The following TVP23C variants were observed in gnomAD, a reference collection of about 807,000 sequenced individuals.
TVP23C encodes Golgi apparatus membrane protein TVP23 homolog C.
TVP23C carries 19 observed loss-of-function variants against 28.7 expected under a neutral mutation model. The ratio of observed to expected loss-of-function variants is 0.66; its 90% confidence interval spans 0.46 to 0.97. TVP23C has a LOEUF of 0.97. Among genes scored for constraint, TVP23C ranks in the 50% least tolerant of loss-of-function variants. The pLI is 0.00. For synonymous variants in TVP23C, 68 were observed against 81.7 expected (o/e 0.83, Z 0.90); for missense variants, 186 against 241.3 (o/e 0.77, Z 1.52).
At chr17:15,504,425 T>C (rs968517020) in intron 5 of TVP23C, among the ~76,000 whole-genome samples, 2 of 152,170 alleles carry the variant, frequency 1.3e-5, no homozygotes, top group African/African-American at 2.4e-5. Context: ...TACTTGGATA[T>C]GAACATAAAA....
intron 5 of TVP23C, among the ~76,000 whole-genome samples, chr17:15,512,255 A>G (rs569639058): frequency 9.4e-4 from 143 of 152,302 alleles, no homozygotes; most frequent in Non-Finnish European, 1.5e-3. Flanking sequence ...AGAGACTGGG[A>G]AAGACACTGT....
At chr17:15,547,727 G>A (rs995602785) in intron 3 of TVP23C, among the ~76,000 whole-genome samples, 2 of 152,154 alleles carry the variant, frequency 1.3e-5, no homozygotes, top group Non-Finnish European at 2.9e-5. Flanking sequence ...GTGAAGAGAG[G>A]CAGACAACCA....
At chr17:15,561,630 G>GAATGAATGAATA (rs1350335513) in intron 1 of TVP23C, among the ~76,000 whole-genome samples, 147 of 131,674 alleles carry the variant, frequency 1.1e-3, no homozygotes, top group African/African-American at 4.0e-3. Flanking sequence ...ATGAATGAAT[G>GAATGAATGAATA]AATAAATAAA....
chr17:15,511,037 G>C (rs895049300), intron 5 of TVP23C, among the ~76,000 whole-genome samples: 14 of 140,852 alleles, frequency 9.9e-5, no homozygotes, highest in African/African-American at 3.1e-4. Context: ...CTGGGTGACA[G>C]GGCCAGACTT....
chr17:15,538,623 C>T lies in TVP23C; in HGVS notation c.*1789G>A, dbSNP rs139078674. On this transcript the variant is annotated 3_prime_UTR_variant, in exon 6 of 6. Transcript: ENST00000518321. ...ATAAATAAATAAAAAAGTAGACATG[C>T]GCTAATGAAGTAAATCCATGGATAC... The T allele has an allele frequency of 7.0e-4, 688 of 985,082 alleles. 4 individuals carry two copies. In the African/African-American group the frequency reaches 0.011, roughly 16 times the overall value. The allele number at this position is 985,082 out of a possible 1,614,324, so 61.0% of individuals were successfully genotyped here.
chr17:15,526,335 C>T (rs548623038), intron 5 of TVP23C, among the ~76,000 whole-genome samples: 1 of 152,118 alleles, frequency 6.6e-6, no homozygotes, highest in African/African-American at 2.4e-5. Flanking sequence ...ATTGACAAGT[C>T]CTGGCTTCAC....
intron 5 of TVP23C, among the ~76,000 whole-genome samples, chr17:15,509,965 G>A (rs950249300): frequency 7.2e-5 from 11 of 152,150 alleles, no homozygotes; most frequent in Non-Finnish European, 1.6e-4. Flanking sequence ...ATTGTTTCAA[G>A]TACCTCTAAA....
At chr17:15,549,384 G>C (rs1343361129) in intron 3 of TVP23C, among the ~76,000 whole-genome samples, 1 of 152,200 alleles carries the variant, frequency 6.6e-6, no homozygotes, top group Non-Finnish European at 1.5e-5. Flanking sequence ...ACTCAAAGAA[G>C]AAGAGCTTTT....
At chr17:15,557,789 C>T (rs1984201056) in intron 1 of TVP23C, among the ~76,000 whole-genome samples, 1 of 140,876 alleles carries the variant, frequency 7.1e-6, no homozygotes, top group African/African-American at 2.5e-5. Flanking sequence ...CTACAGGGCA[C>T]TGGAGAAGCT....
At chr17:15,518,262 G>C (rs981997501) in intron 5 of TVP23C, among the ~76,000 whole-genome samples, 1 of 150,640 alleles carries the variant, frequency 6.6e-6, no homozygotes, top group Non-Finnish European at 1.5e-5. Context: ...ACAGCATCAA[G>C]ATCTACCCAA....
intron 5 of TVP23C, among the ~76,000 whole-genome samples, chr17:15,521,524 A>T (rs1436408022): frequency 6.6e-6 from 1 of 152,206 alleles, no homozygotes; most frequent in Non-Finnish European, 1.5e-5. Context: ...CAAAATTATT[A>T]TAATCTCTAC....
intron 5 of TVP23C, among the ~76,000 whole-genome samples, chr17:15,545,358 A>G (rs1983596771): frequency 6.6e-6 from 1 of 152,216 alleles, no homozygotes; most frequent in South Asian, 2.1e-4. Context: ...GATGGCTCAC[A>G]ACCCCCATCA....
rs192591775 is a variant in TVP23C at position 15,560,355 on chromosome 17, G to A, written c.12+3082C>T. 7.4e-5 allele frequency among the ~76,000 whole-genome samples: 11 copies of A among 148,376 alleles called. 2 individuals are homozygous for A. The East Asian group carries it at 8.0e-4, about 11-fold the overall frequency. On this transcript the variant is annotated intron_variant, in intron 1 of 5. Coordinates refer to ENST00000518321, the MANE Select transcript of TVP23C (RefSeq NM_001135036.2). The stretch of plus-strand genomic sequence containing the variant: ...CTGGGATTACAGCCATGAGCCCTGC[G>A]CCCAGCCATGACCACTGTATTTTTA...
At chr17:15,544,306 G>T (rs1983548705) in intron 5 of TVP23C, among the ~76,000 whole-genome samples, 1 of 152,202 alleles carries the variant, frequency 6.6e-6, no homozygotes, top group Non-Finnish European at 1.5e-5. Context: ...AGGAGAAGCT[G>T]CAATAAGACT....
At chr17:15,562,024 ACTCT>A (rs749213546) in intron 1 of TVP23C, among the ~76,000 whole-genome samples, 6 of 152,140 alleles carry the variant, frequency 3.9e-5, no homozygotes, top group Admixed American at 2.6e-4. Context: ...TCAGGAAGTT[ACTCT>A]CTATGATCTA....
chr17:15,523,986 C>T (rs952362112), intron 5 of TVP23C, among the ~76,000 whole-genome samples: 2 of 152,084 alleles, frequency 1.3e-5, no homozygotes, highest in Non-Finnish European at 2.9e-5. Flanking sequence ...GTCCTATACG[C>T]ACTACAAAAC....
intron 5 of TVP23C, among the ~76,000 whole-genome samples, chr17:15,504,642 A>T (rs1011468977): frequency 2.6e-5 from 4 of 152,044 alleles, no homozygotes; most frequent in African/African-American, 9.7e-5. Context: ...AGCTCACTGA[A>T]GCCACAACTT....
intron 3 of TVP23C, among the ~76,000 whole-genome samples, chr17:15,551,831 A>G (rs1262377222): frequency 6.6e-6 from 1 of 152,172 alleles, no homozygotes; most frequent in Non-Finnish European, 1.5e-5. Context: ...TAGTAAGTAC[A>G]TTGAGATTTA....
chr17:15,506,499 T>C (rs1389293917), intron 5 of TVP23C, among the ~76,000 whole-genome samples: 1 of 152,194 alleles, frequency 6.6e-6, no homozygotes. Flanking sequence ...CAGCAGGATG[T>C]GGGTGGGGCC....
Sources: gnomAD v4.1 joint callset for allele counts (sites outside exome capture counted in the v4.1 genomes callset) on GRCh38, gnomAD v4.1.1 for gene constraint, MANE v1.5 for transcripts, NCBI Gene and HGNC (gene_info 2026-07-23, HGNC 2026-07-21) for gene names.